The following ENAH variants were observed in gnomAD, a reference collection of about 807,000 sequenced individuals.
ENAH encodes the protein ENAH actin regulator.
A neutral mutation model predicts 78.7 loss-of-function variants in ENAH; 23 were observed. The ratio of observed to expected loss-of-function variants is 0.29; its 90% CI spans 0.21 to 0.41. The LOEUF (loss-of-function observed/expected upper bound fraction) is 0.41, where lower values mean the gene tolerates loss of function less well. Among genes scored for constraint, ENAH ranks in the 10% least tolerant of loss-of-function variants. ENAH has a pLI of 1.00. For missense variants in ENAH, 544 were observed against 691.0 expected, an observed-to-expected ratio of 0.79 and a Z score of 2.39; for synonymous variants, 226 against 241.0, an observed-to-expected ratio of 0.94 and a Z score of 0.58.
intron 1 of ENAH, among the ~76,000 whole-genome samples, chr1:225,586,517 A>G (rs1273273273): frequency 1.3e-5 from 2 of 152,200 alleles, no homozygotes; most frequent in Non-Finnish European, 2.9e-5. Flanking sequence ...CCAACATGAA[A>G]GCCACACAAA....
At chr1:225,562,071 C>T (rs542999899) in intron 2 of ENAH, among the ~76,000 whole-genome samples, 7 of 152,110 alleles carry the variant, frequency 4.6e-5, no homozygotes, top group East Asian at 3.9e-4. Flanking sequence ...TACAGGCGCG[C>T]GCCACTACGT....
In ENAH at chr1:225,601,452, G is replaced by A. The variant is rs1316420073; in HGVS notation, c.6-34038C>T. Among the ~76,000 whole-genome samples, 10 of 151,502 alleles carry A rather than the reference G, an allele frequency of 6.6e-5. No homozygotes were observed. In the East Asian group the frequency reaches 1.9e-3, roughly 29 times the overall value. On this transcript the variant is annotated intron_variant, in intron 1 of 13. Coordinates refer to ENST00000366843, the MANE Select transcript of ENAH (RefSeq NM_018212.6). Reference sequence around the variant, plus strand: ...AGAATGGCGTGAACCTGGGAGGCGGGGCTTGCAGTGAGCCAAGATGGCGCC... The same window carrying A: ...AGAATGGCGTGAACCTGGGAGGCGGAGCTTGCAGTGAGCCAAGATGGCGCC...
chr1:225,569,875 G>T (rs1374030574), intron 1 of ENAH, among the ~76,000 whole-genome samples: 1 of 152,150 alleles, frequency 6.6e-6, no homozygotes, highest in African/African-American at 2.4e-5. Context: ...ACTGTGAAGG[G>T]ATTAGCTAAA....
chr1:225,616,925 C>T (rs1314092347), intron 1 of ENAH, among the ~76,000 whole-genome samples: 1 of 152,042 alleles, frequency 6.6e-6, no homozygotes, highest in Non-Finnish European at 1.5e-5. Context: ...GTGGAGAAAT[C>T]CTGTCTCTAC....
In ENAH at chr1:225,493,929, A is replaced by T. The variant is rs2096235901; in HGVS notation, c.*3846T>A. On this transcript the variant is annotated 3_prime_UTR_variant, in exon 14 of 14. Coordinates refer to ENST00000366843, the MANE Select transcript of ENAH (RefSeq NM_018212.6). ...GTATATATAAATTTACAAGAGACAT[A>T]AAAGTTGTAGCTAGGTAAATTTAAA... is the stretch of plus-strand genomic sequence containing the variant. The T allele has an allele frequency of 1.3e-5, 2 of 152,130 alleles. No homozygotes were observed. The highest frequency in any genetic ancestry group is 4.1e-4 in the South Asian group (2 of 4,826). 9.4% of individuals were successfully genotyped at this position (152,130 alleles called of 1,614,324 possible).
chr1:225,550,182 A>G (rs1461148668), intron 3 of ENAH, among the ~76,000 whole-genome samples: 1 of 152,148 alleles, frequency 6.6e-6, no homozygotes, highest in Admixed American at 6.5e-5. Flanking sequence ...AGAATGTTCT[A>G]TCACTGATGA....
chr1:225,519,217 C>CAGA lies in ENAH; in HGVS notation c.782_783insTCT (p.Glu261delinsAspLeu). 1 of 1,613,964 alleles carries CAGA rather than the reference C, an allele frequency of 6.2e-7. No homozygotes were observed. The highest frequency in any genetic ancestry group is 8.5e-7 in the Non-Finnish European group (1 of 1,179,884). ...TCTTACCAGCACTTGATATTCTGCGCTCTCTCTCCCATTCCAGCTGTTCCC... is the reference window on the plus strand; with the variant it reads ...TCTTACCAGCACTTGATATTCTGCGCAGATCTCTCTCCCATTCCAGCTGTTCCC... On this transcript the variant is annotated protein_altering_variant, in exon 5 of 14. Coordinates refer to ENST00000366843, the MANE Select transcript of ENAH (RefSeq NM_018212.6).
At chr1:225,622,796 A>T (rs149678937) in intron 1 of ENAH, among the ~76,000 whole-genome samples, 1 of 152,316 alleles carries the variant, frequency 6.6e-6, no homozygotes, top group African/African-American at 2.4e-5. Flanking sequence ...ACTATGGCAG[A>T]ATGACATAAC....
intron 1 of ENAH, among the ~76,000 whole-genome samples, chr1:225,639,839 A>C (rs1660719292): frequency 6.6e-6 from 1 of 152,152 alleles, no homozygotes; most frequent in South Asian, 2.1e-4. Flanking sequence ...AAGATGACTG[A>C]ACACCAAAGA....
chr1:225,501,424 C>T (rs1019041711), intron 11 of ENAH, among the ~76,000 whole-genome samples: 1 of 152,156 alleles, frequency 6.6e-6, no homozygotes, highest in African/African-American at 2.4e-5. Flanking sequence ...GCTCAAATAA[C>T]ACAATCTTGT....
intron 1 of ENAH, among the ~76,000 whole-genome samples, chr1:225,647,012 G>A (rs893864669): frequency 6.6e-6 from 1 of 151,642 alleles, no homozygotes; most frequent in East Asian, 2.0e-4. Context: ...GCATCACGAG[G>A]TCAGGAGATC....
At chr1:225,530,756 G>T in intron 3 of ENAH, 118 bp from the exon 4 acceptor site, 1 of 765,636 alleles carries the variant, frequency 1.3e-6, no homozygotes, top group Non-Finnish European at 2.2e-6. Context: ...TCTTCTTTTT[G>T]TCTAGCAAAA....
chr1:225,547,833 T>G (rs1323169018), intron 3 of ENAH, among the ~76,000 whole-genome samples: 1 of 152,156 alleles, frequency 6.6e-6, no homozygotes, highest in African/African-American at 2.4e-5. Flanking sequence ...TGTCCAACTT[T>G]CAAAATCCAG....
chr1:225,501,601 T>C (rs1043420184), intron 11 of ENAH, among the ~76,000 whole-genome samples: 1 of 152,232 alleles, frequency 6.6e-6, no homozygotes, highest in African/African-American at 2.4e-5. Context: ...ATTTGCTTTA[T>C]ACATATTATT....
chr1:225,514,968 G>A (rs893178565), intron 6 of ENAH, 68 bp from the exon 7 acceptor site: 1 of 1,308,210 alleles, frequency 7.6e-7, no homozygotes, highest in Admixed American at 2.1e-5. Context: ...TATGTGGGAA[G>A]GTACGCAGAA....
At chr1:225,590,179 C>A (rs549661565) in intron 1 of ENAH, among the ~76,000 whole-genome samples, 8 of 150,198 alleles carry the variant, frequency 5.3e-5, no homozygotes, top group Non-Finnish European at 1.0e-4. Context: ...TCAACTAATA[C>A]CTGTTAAAAA....
rs372922678 is a variant in ENAH at position 225,517,275 on chromosome 1, G to A, written c.834C>T (p.Asn278=). 9.7e-6 allele frequency: 15 copies of A among 1,551,742 alleles called. No homozygotes were observed. Among genetic ancestry groups the A allele is most frequent in the Non-Finnish European group, 1.3e-5 (15 of 1,147,122 alleles). ...AAPASVETPL[N]SVLGDSSASE... The stretch of plus-strand genomic sequence containing the variant: ...AAGCAGAAGAGTCTCCCAGCACAGA[G>A]TTTAGAGGAGTCTCAACAGAGGCAG... Residue 278 remains asparagine (N), a synonymous_variant, in exon 6 of 14, where the codon AAC becomes AAT. Coordinates refer to ENST00000366843, the MANE Select transcript of ENAH (RefSeq NM_018212.6).
chr1:225,552,455 A>G (rs924260168), intron 3 of ENAH, among the ~76,000 whole-genome samples: 1 of 151,652 alleles, frequency 6.6e-6, no homozygotes, highest in Non-Finnish European at 1.5e-5. Context: ...TTAACATCTT[A>G]CTCTCTCCCA....
chr1:225,505,190 T>C (rs2096316467), intron 11 of ENAH: 2 of 533,452 alleles, frequency 3.7e-6, no homozygotes, highest in Non-Finnish European at 6.5e-6. Flanking sequence ...AACCAATTTT[T>C]CCCCAATAAA....
Sources: gnomAD v4.1 joint callset for allele counts (sites outside exome capture counted in the v4.1 genomes callset) on GRCh38, gnomAD v4.1.1 for gene constraint, MANE v1.5 for transcripts, NCBI Gene and HGNC (gene_info 2026-07-23, HGNC 2026-07-21) for gene names.